Variants in SPATA13 observed in about 807,000 individuals in gnomAD.
SPATA13 encodes spermatogenesis-associated protein 13.
A neutral mutation model predicts 104.0 loss-of-function variants in SPATA13; 50 were observed. The observed-to-expected ratio is 0.48, with a 90% CI of 0.38 to 0.61. The LOEUF is 0.61. SPATA13 is among the 20% of genes least tolerant of loss of function. The pLI, the probability that SPATA13 is intolerant of heterozygous loss-of-function variation, is 0.00. For synonymous variants in SPATA13, 606 were observed against 667.5 expected (o/e 0.91, Z 1.42); for missense variants, 1,524 against 1,690.6 (o/e 0.90, Z 1.73).
In SPATA13 at chr13:24,241,674, C is replaced by T. The variant is rs142308097; in HGVS notation, c.1654-7803C>T. The stretch of plus-strand genomic sequence containing the variant: ...TGGCCCCGTTTATGGGGCACCTCCC[C>T]GCGTGCCGGGATAATTCACCTCCCT... On this transcript the variant is annotated intron_variant, in intron 2 of 12. Coordinates refer to ENST00000382108, the MANE Select transcript of SPATA13 (RefSeq NM_001166271.3). 7.2e-5 allele frequency among the ~76,000 whole-genome samples: 11 copies of T among 152,338 alleles called. No individual in the cohort carries two copies. In the East Asian group the frequency reaches 1.9e-3, roughly 27 times the overall value.
At chr13:24,024,176 G>T (rs928632199) in intron 3 of SPATA13, among the ~76,000 whole-genome samples, 1 of 152,220 alleles carries the variant, frequency 6.6e-6, no homozygotes, top group African/African-American at 2.4e-5. Flanking sequence ...GGATGGCTAA[G>T]GGAGGTGACC....
chr13:24,240,196 G>A (rs930510455), intron 2 of SPATA13, among the ~76,000 whole-genome samples: 1 of 151,814 alleles, frequency 6.6e-6, no homozygotes, highest in African/African-American at 2.4e-5. Flanking sequence ...GAAGGTTGAG[G>A]CTGCAATGAG....
chr13:24,004,237 A>C (rs1179404173), intron 2 of SPATA13, among the ~76,000 whole-genome samples: 2 of 152,242 alleles, frequency 1.3e-5, no homozygotes, highest in African/African-American at 4.8e-5. Context: ...ATTGAAAAGC[A>C]GATACACAAT....
Position 24,251,898 on chromosome 13 carries a change from A to T in SPATA13, c.2164+36A>T, listed in dbSNP as rs930696552. The T allele has an allele frequency of 3.1e-6, 5 of 1,597,476 alleles. No individual in the cohort carries two copies. The Admixed American group carries it at 8.5e-5, about 27-fold the overall frequency. On this transcript the variant is annotated intron_variant, in intron 4 of 12. Coordinates refer to ENST00000382108, the MANE Select transcript of SPATA13 (RefSeq NM_001166271.3). ...GAGTCCCTTTCCTTTCAGAGCTGCT[A>T]TGGGCCCATCTGACCGTTTCCAGCT...
At chr13:24,087,797 C>T (rs1593321350) in intron 3 of SPATA13, among the ~76,000 whole-genome samples, 2 of 152,270 alleles carry the variant, frequency 1.3e-5, no homozygotes, top group East Asian at 1.9e-4. Context: ...TGGGTGGCCA[C>T]GGGGCTCCTG....
chr13:24,202,625 A>C (rs1214307584), intron 1 of SPATA13, among the ~76,000 whole-genome samples: 1 of 151,038 alleles, frequency 6.6e-6, no homozygotes, highest in Non-Finnish European at 1.5e-5. Context: ...TTGGGATAAA[A>C]ATGGAATTAA....
At chr13:24,077,339 A>C (rs1879365772) in intron 3 of SPATA13, among the ~76,000 whole-genome samples, 1 of 151,730 alleles carries the variant, frequency 6.6e-6, no homozygotes, top group Non-Finnish European at 1.5e-5. Flanking sequence ...AACTATAGTT[A>C]CAGGAGCCAT....
rs1350364119 is a variant in SPATA13 at position 24,271,048 on chromosome 13, C to CTCTCTCTA, written c.2165-13080_2165-13079insATCTCTCT. The stretch of plus-strand genomic sequence containing the variant: ...TCTCTCTCTCTCTCTCTCACTCTCT[C>CTCTCTCTA]TCTCTCTCTCACTCTCTCTCTTTCT... On this transcript the variant is annotated intron_variant, in intron 4 of 12. Transcript: ENST00000382108. 1.0e-5 allele frequency: 7 copies of CTCTCTCTA among 698,612 alleles called. No individual in the cohort carries two copies. The African/African-American group carries it at 1.2e-4, about 12-fold the overall frequency. 43.3% of individuals were successfully genotyped at this position (698,612 alleles called of 1,614,324 possible). A position where few individuals can be genotyped will look rare whatever the true frequency, so the allele number is the denominator to read the frequency against.
intron 3 of SPATA13, among the ~76,000 whole-genome samples, chr13:24,127,601 T>A (rs1212369453): frequency 4.6e-5 from 7 of 152,192 alleles, no homozygotes; most frequent in Non-Finnish European, 1.5e-5. Context: ...TCATTCAAGT[T>A]CAGTTTAGAG....
intron 1 of SPATA13, among the ~76,000 whole-genome samples, chr13:24,189,294 ACCCC>A (rs1430826255): frequency 6.6e-6 from 1 of 151,676 alleles, no homozygotes; most frequent in African/African-American, 2.4e-5. Context: ...ACACAGTGAA[ACCCC>A]GTCTCTACTA....
At chr13:24,002,645 G>C (rs769692733) in intron 2 of SPATA13, among the ~76,000 whole-genome samples, 1 of 152,122 alleles carries the variant, frequency 6.6e-6, no homozygotes, top group South Asian at 2.1e-4. Flanking sequence ...AGTTCCTGGA[G>C]TCTCCTTGGA....
chr13:24,160,605 A>G (rs1204695569), upstream of SPATA13: 3 of 447,818 alleles, frequency 6.7e-6, no homozygotes, highest in Non-Finnish European at 5.3e-6. Flanking sequence ...GGCGTGGCCG[A>G]GGGTGTGGCC....
At chr13:24,032,852 G>A (rs1877532379) in intron 3 of SPATA13, among the ~76,000 whole-genome samples, 2 of 152,182 alleles carry the variant, frequency 1.3e-5, no homozygotes, top group South Asian at 2.1e-4. Flanking sequence ...GTTTAGTTGA[G>A]TAAGTAGGTC....
intron 2 of SPATA13, among the ~76,000 whole-genome samples, chr13:24,247,846 C>T (rs912116111): frequency 2.0e-5 from 3 of 152,090 alleles, no homozygotes; most frequent in Non-Finnish European, 2.9e-5. Flanking sequence ...CTGGAAATGG[C>T]GAGCCTGGGG....
chr13:24,157,106 C>T (rs971499730), upstream of SPATA13, among the ~76,000 whole-genome samples: 4 of 152,192 alleles, frequency 2.6e-5, no homozygotes, highest in Non-Finnish European at 5.9e-5. Context: ...AAGTTACTTC[C>T]TCCAGGTGAA....
chr13:23,991,534 T>C (rs190092424), intron 2 of SPATA13, among the ~76,000 whole-genome samples: 141 of 152,280 alleles, frequency 9.3e-4, no homozygotes, highest in Non-Finnish European at 6.8e-4. Flanking sequence ...CTCACTGGGC[T>C]TCATGCTGCA....
chr13:24,047,457 A>G (rs1878190886), intron 3 of SPATA13, among the ~76,000 whole-genome samples: 1 of 152,230 alleles, frequency 6.6e-6, no homozygotes, highest in African/African-American at 2.4e-5. Flanking sequence ...GGAGGGAGTT[A>G]GTTTCAGGAA....
intron 2 of SPATA13, among the ~76,000 whole-genome samples, chr13:24,238,005 A>AAT (rs1218117476): frequency 7.2e-5 from 8 of 110,410 alleles, no homozygotes; most frequent in Admixed American, 6.7e-4. Context: ...TATATATATA[A>AAT]ATATATATAT....
intron 2 of SPATA13, among the ~76,000 whole-genome samples, chr13:24,242,517 T>C (rs1872898718): frequency 6.6e-6 from 1 of 152,228 alleles, no homozygotes; most frequent in Admixed American, 6.5e-5. Flanking sequence ...CTTCCAAAGA[T>C]GAAATTAAAG....
Sources: allele counts gnomAD v4.1 joint callset (sites outside exome capture counted in the v4.1 genomes callset), GRCh38; gene constraint gnomAD v4.1.1; transcripts MANE v1.5; gene names NCBI Gene and HGNC (gene_info 2026-07-23, HGNC 2026-07-21).